CPNE8: variants seen among roughly 807,000 people sequenced by gnomAD.
CPNE8 encodes the protein copine 8, also known as copine-8.
In CPNE8, 45 loss-of-function variants were observed where a neutral mutation model predicts 81.5. The observed-to-expected ratio is 0.55, with a 90% CI of 0.44 to 0.71. CPNE8 has a LOEUF of 0.71. Ranked by LOEUF, CPNE8 falls within the 30% of genes least tolerant of loss-of-function variation. The pLI is 0.00. For missense variants in CPNE8, 594 were observed against 672.1 expected (o/e 0.88, Z 1.28); for synonymous variants, 252 against 226.3 (o/e 1.11, Z -1.02).
chr12:38,894,594 T>A (rs868865809), intron 1 of CPNE8, among the ~76,000 whole-genome samples: 1 of 151,796 alleles, frequency 6.6e-6, no homozygotes, highest in African/African-American at 2.4e-5. Context: ...AGCAAATACA[T>A]TTATTATTCT....
chr12:38,886,441 G>A (rs1042845155), intron 1 of CPNE8, among the ~76,000 whole-genome samples: 1 of 152,216 alleles, frequency 6.6e-6, no homozygotes, highest in Non-Finnish European at 1.5e-5. Flanking sequence ...TAGAGTGGGT[G>A]TGCAATGCCC....
intron 1 of CPNE8, among the ~76,000 whole-genome samples, chr12:38,889,834 G>A (rs919129010): frequency 6.6e-6 from 1 of 152,166 alleles, no homozygotes; most frequent in African/African-American, 2.4e-5. Context: ...GGGAGGATGA[G>A]GCCTGAGGCT....
chr12:38,824,990 G>T (rs557111443), intron 6 of CPNE8, among the ~76,000 whole-genome samples: 1 of 152,138 alleles, frequency 6.6e-6, no homozygotes, highest in Admixed American at 6.6e-5. Context: ...TCTTTAACCA[G>T]ACGGTTAAAG....
chr12:38,718,686 T>C (rs1163876807), intron 13 of CPNE8, among the ~76,000 whole-genome samples: 1 of 152,126 alleles, frequency 6.6e-6, no homozygotes, highest in Non-Finnish European at 1.5e-5. Context: ...TAACATTATT[T>C]CTAGGAAGTA....
At chr12:38,797,111 G>A (rs1478347139) in intron 6 of CPNE8, among the ~76,000 whole-genome samples, 2 of 152,176 alleles carry the variant, frequency 1.3e-5, no homozygotes, top group African/African-American at 2.4e-5. Context: ...CTCCACCTCT[G>A]GGGGCAGGGC....
At chr12:38,752,226 A>G (rs1168661338) in intron 10 of CPNE8, among the ~76,000 whole-genome samples, 1 of 152,186 alleles carries the variant, frequency 6.6e-6, no homozygotes, top group Non-Finnish European at 1.5e-5. Flanking sequence ...GATTTAGTGG[A>G]TGACAGCAAG....
At chr12:38,716,202 A>AT (rs752413884) in intron 13 of CPNE8, among the ~76,000 whole-genome samples, 11 of 152,148 alleles carry the variant, frequency 7.2e-5, no homozygotes, top group Non-Finnish European at 1.3e-4. Flanking sequence ...AAGAATCAAT[A>AT]TTGGGAAATG....
intron 7 of CPNE8, among the ~76,000 whole-genome samples, chr12:38,770,794 C>G (rs1941785159): frequency 6.6e-6 from 1 of 152,258 alleles, no homozygotes; most frequent in African/African-American, 2.4e-5. Flanking sequence ...CTGGCAAACA[C>G]TACTCCTTCT....
intron 6 of CPNE8, among the ~76,000 whole-genome samples, chr12:38,809,445 C>G (rs1330244199): frequency 2.6e-5 from 4 of 152,156 alleles, no homozygotes; most frequent in South Asian, 2.1e-4. Context: ...CCTACATAGA[C>G]TAAGATAATC....
intron 15 of CPNE8, among the ~76,000 whole-genome samples, chr12:38,690,906 C>T (rs942356002): frequency 4.3e-4 from 65 of 152,012 alleles, no homozygotes; most frequent in Non-Finnish European, 8.8e-5. Context: ...ACAACAAAAT[C>T]CCAACAGATA....
rs1944039696 is a variant in CPNE8, at chr12:38,874,490, T to C, written c.120A>G (p.Thr40=). 7 of 1,609,030 alleles carry C rather than the reference T, an allele frequency of 4.4e-6. No homozygotes were observed. The highest frequency in any genetic ancestry group is 5.1e-6 in the Non-Finnish European group (6 of 1,177,102). Residue 40 remains threonine (T), a synonymous_variant, in exon 2 of 20, where the codon ACA becomes ACG. Transcript: ENST00000331366. ...ACTTACTTGGATCAGATTTAGAAAATGTGTCTCTGTCAAGAAGATTTCTGT... is the reference window on the plus strand; with the variant it reads ...ACTTACTTGGATCAGATTTAGAAAACGTGTCTCTGTCAAGAAGATTTCTGT... ...VSCRNLLDRD[T]FSKSDPICVL... is the part of the protein sequence containing the mutation.
At chr12:38,837,872 A>T (rs892756438) in intron 5 of CPNE8, among the ~76,000 whole-genome samples, 15 of 152,172 alleles carry the variant, frequency 9.9e-5, no homozygotes, top group Non-Finnish European at 1.9e-4. Flanking sequence ...TTACGATGAG[A>T]AGATAAAATT....
upstream of CPNE8, chr12:38,906,102 GC>G: frequency 3.0e-6 from 3 of 986,214 alleles, no homozygotes; most frequent in Non-Finnish European, 3.6e-6. Context: ...GTTCCTAACT[GC>G]CCCGTTATAA....
intron 14 of CPNE8, among the ~76,000 whole-genome samples, chr12:38,699,069 A>T (rs1939867476): frequency 6.6e-6 from 1 of 152,190 alleles, no homozygotes; most frequent in Non-Finnish European, 1.5e-5. Flanking sequence ...CACCTTAACA[A>T]TGTGGAGTTT....
chr12:38,752,752 C>A (rs1340327773), intron 10 of CPNE8, among the ~76,000 whole-genome samples: 1 of 152,086 alleles, frequency 6.6e-6, no homozygotes, highest in African/African-American at 2.4e-5. Flanking sequence ...TCACCTTATA[C>A]CAGAATTAGA....
At chr12:38,695,018 T>G (rs1024742523) in intron 14 of CPNE8, among the ~76,000 whole-genome samples, 1 of 152,198 alleles carries the variant, frequency 6.6e-6, no homozygotes, top group African/African-American at 2.4e-5. Flanking sequence ...TTACCAGCGT[T>G]CAAGGGCTGG....
intron 6 of CPNE8, among the ~76,000 whole-genome samples, chr12:38,823,598 G>C (rs1943141440): frequency 6.6e-6 from 1 of 152,164 alleles, no homozygotes; most frequent in Non-Finnish European, 1.5e-5. Flanking sequence ...TCTCCCTGGA[G>C]TAAGAATCTA....
chr12:38,713,932 T>G (rs1940323639), intron 13 of CPNE8, among the ~76,000 whole-genome samples: 1 of 152,176 alleles, frequency 6.6e-6, no homozygotes, highest in Admixed American at 6.5e-5. Context: ...GAAATTCTAG[T>G]GCCTTAGCAG....
chr12:38,895,946 C>G (rs1565667195), intron 1 of CPNE8, among the ~76,000 whole-genome samples: 2 of 152,074 alleles, frequency 1.3e-5, no homozygotes, highest in Admixed American at 6.6e-5. Context: ...TACTTATACT[C>G]TCTCTAAACC....
Sources: allele counts gnomAD v4.1 joint callset (sites outside exome capture counted in the v4.1 genomes callset), GRCh38; gene constraint gnomAD v4.1.1; transcripts MANE v1.5; gene names NCBI Gene and HGNC (gene_info 2026-07-23, HGNC 2026-07-21).